The following GLI2 variants were observed in gnomAD, a reference collection of about 807,000 sequenced individuals.
The protein encoded by GLI2 is GLI family zinc finger 2.
A neutral mutation model predicts 78.9 loss-of-function variants in GLI2; 22 were observed. That is an observed-to-expected ratio of 0.28 (90% confidence interval 0.20 to 0.40). The LOEUF (loss-of-function observed/expected upper bound fraction) is 0.40, where lower values mean the gene tolerates loss of function less well. Among genes scored for constraint, GLI2 ranks in the 10% least tolerant of loss-of-function variants. The pLI, the probability that GLI2 is intolerant of heterozygous loss-of-function variation, is 1.00. For missense variants in GLI2, 2,097 were observed against 2,213.2 expected, an observed-to-expected ratio of 0.95 and a Z score of 1.05; for synonymous variants, 974 against 963.7, an observed-to-expected ratio of 1.01 and a Z score of -0.20.
At chr2:120,741,016 A>G (rs1327316611) in intron 1 of GLI2, among the ~76,000 whole-genome samples, 2 of 152,200 alleles carry the variant, frequency 1.3e-5, no homozygotes, top group Non-Finnish European at 2.9e-5. Context: ...TTGAGCCTGT[A>G]TGCAACCACG....
At chr2:120,838,463 T>A (rs1426179348) in intron 2 of GLI2, among the ~76,000 whole-genome samples, 3 of 152,248 alleles carry the variant, frequency 2.0e-5, no homozygotes, top group Non-Finnish European at 4.4e-5. Flanking sequence ...TTTTCCTTTC[T>A]TTCCAATTTT....
At chr2:120,787,308 C>T (rs1468188173) in intron 1 of GLI2, among the ~76,000 whole-genome samples, 2 of 152,220 alleles carry the variant, frequency 1.3e-5, no homozygotes, top group Non-Finnish European at 2.9e-5. Flanking sequence ...ATGACAGCGA[C>T]TTGGACCTTG....
At chr2:120,783,750 CTCCATACTA>C (rs1683914155) in intron 1 of GLI2, among the ~76,000 whole-genome samples, 1 of 152,218 alleles carries the variant, frequency 6.6e-6, no homozygotes, top group Non-Finnish European at 1.5e-5. Flanking sequence ...CTCCATCCCT[CTCCATACTA>C]TCCACGTTGA....
At chr2:120,948,885 G>A (rs1347061618) in intron 3 of GLI2, among the ~76,000 whole-genome samples, 3 of 152,160 alleles carry the variant, frequency 2.0e-5, no homozygotes, top group Non-Finnish European at 1.5e-5. Flanking sequence ...TGCCGTGCCT[G>A]GAGTGTCTGG....
chr2:120,908,228 AG>A (rs1165486404), intron 2 of GLI2, among the ~76,000 whole-genome samples: 1 of 152,196 alleles, frequency 6.6e-6, no homozygotes, highest in Non-Finnish European at 1.5e-5. Context: ...CTGTGCACTC[AG>A]CCGTGCTTGG....
At chr2:120,984,414 C>T in intron 11 of GLI2, 57 bp from the exon 12 acceptor site, 3 of 1,571,060 alleles carry the variant, frequency 1.9e-6, no homozygotes, top group South Asian at 2.2e-5. Flanking sequence ...GGAGAGCGCC[C>T]CTTCAGAGTT....
At chr2:120,900,458 C>A in intron 2 of GLI2, among the ~76,000 whole-genome samples, 1 of 152,192 alleles carries the variant, frequency 6.6e-6, no homozygotes, top group Non-Finnish European at 1.5e-5. Flanking sequence ...AAAGTCACTT[C>A]TGTTTTGCAA....
intron 1 of GLI2, among the ~76,000 whole-genome samples, chr2:120,748,183 C>T (rs1682749062): frequency 6.6e-6 from 1 of 152,232 alleles, no homozygotes; most frequent in African/African-American, 2.4e-5. Flanking sequence ...AAACTCTTTT[C>T]CCCAAGACCC....
At chr2:120,844,898 A>G (rs527315064) in intron 2 of GLI2, among the ~76,000 whole-genome samples, 25 of 152,240 alleles carry the variant, frequency 1.6e-4, no homozygotes, top group African/African-American at 5.8e-4. Flanking sequence ...CCAGGTGATG[A>G]ACGTTAACCT....
chr2:120,836,667 T>C (rs563467326), intron 2 of GLI2, among the ~76,000 whole-genome samples: 1 of 152,336 alleles, frequency 6.6e-6, no homozygotes, highest in African/African-American at 2.4e-5. Flanking sequence ...TATTAAAGTT[T>C]TGTCAGACTG....
At chr2:120,741,025 C>T (rs1039029546) in intron 1 of GLI2, among the ~76,000 whole-genome samples, 1 of 152,210 alleles carries the variant, frequency 6.6e-6, no homozygotes, top group Non-Finnish European at 1.5e-5. Flanking sequence ...TATGCAACCA[C>T]GCCGCAGCCC....
intron 2 of GLI2, among the ~76,000 whole-genome samples, chr2:120,908,811 A>T (rs1678670579): frequency 6.6e-6 from 1 of 152,134 alleles, no homozygotes; most frequent in Admixed American, 6.5e-5. Context: ...TTGGTTTGGG[A>T]ATCTTATTTT....
chr2:120,941,036 ACAT>A (rs1360844724), intron 3 of GLI2, among the ~76,000 whole-genome samples: 2 of 152,308 alleles, frequency 1.3e-5, no homozygotes, highest in East Asian at 3.9e-4. Context: ...TGCTCAGTAA[ACAT>A]CAGCTGATCC....
At chr2:120,988,184 G>A (rs751818529) in intron 13 of GLI2, 24 bp from the exon 14 acceptor site, 33 of 1,578,334 alleles carry the variant, frequency 2.1e-5, no homozygotes, top group Non-Finnish European at 2.7e-5. Context: ...TTGTCCCGGT[G>A]CTGACCCCTC....
intron 2 of GLI2, among the ~76,000 whole-genome samples, chr2:120,912,486 C>T (rs910880141): frequency 1.3e-5 from 2 of 152,150 alleles, no homozygotes; most frequent in Admixed American, 1.3e-4. Context: ...TCCAGTCCTG[C>T]TGGTGGACAC....
rs1398093822 is a variant in GLI2 at position 120,736,903 on chromosome 2, C to T, written c.-31+618C>T. On this transcript the variant is annotated intron_variant, in intron 1 of 13. Transcript: ENST00000361492. ...CCCCCTCTTTGCCTCTCTTCTCCTCCTCTCCTGCCCTCGGCCCTGAGATCC... is the reference window on the plus strand; with the variant it reads ...CCCCCTCTTTGCCTCTCTTCTCCTCTTCTCCTGCCCTCGGCCCTGAGATCC... Among the ~76,000 whole-genome samples the T allele has an allele frequency of 2.0e-5, 3 of 150,642 alleles. No homozygotes were observed. In the East Asian group the frequency reaches 5.9e-4, roughly 30 times the overall value.
At chr2:120,802,806 C>T (rs897163400) in intron 2 of GLI2, among the ~76,000 whole-genome samples, 5 of 152,224 alleles carry the variant, frequency 3.3e-5, no homozygotes, top group African/African-American at 1.2e-4. Context: ...ACGCCCACCT[C>T]TTCCACGAAG....
intron 1 of GLI2, among the ~76,000 whole-genome samples, chr2:120,751,226 G>T (rs906683139): frequency 1.3e-5 from 2 of 152,150 alleles, no homozygotes; most frequent in Non-Finnish European, 2.9e-5. Context: ...GGATCATGAT[G>T]GCCCAAATAC....
chr2:120,986,721 G>A (rs1175632847), intron 13 of GLI2, 107 bp downstream of exon 13: 1 of 873,166 alleles, frequency 1.1e-6, no homozygotes, highest in Non-Finnish European at 1.8e-6. Context: ...GATTCCTACA[G>A]GATCTTACCA....
Sources: allele counts gnomAD v4.1 joint callset (sites outside exome capture counted in the v4.1 genomes callset), GRCh38; gene constraint gnomAD v4.1.1; transcripts MANE v1.5; gene names NCBI Gene and HGNC (gene_info 2026-07-23, HGNC 2026-07-21).